The following SLC26A5 variants were observed in gnomAD, a reference collection of about 807,000 sequenced individuals.
SLC26A5 encodes the protein prestin.
In SLC26A5, 51 loss-of-function variants were observed where a neutral mutation model predicts 81.0. That is an observed-to-expected ratio of 0.63 (90% CI 0.50 to 0.80). The LOEUF (loss-of-function observed/expected upper bound fraction) is 0.80, where lower values mean the gene tolerates loss of function less well. SLC26A5 is among the 30% of genes least tolerant of loss of function. The pLI is 0.00. For missense variants in SLC26A5, 771 were observed against 905.8 expected (o/e 0.85, Z 1.91); for synonymous variants, 325 against 332.8 (o/e 0.98, Z 0.25).
intron 14 of SLC26A5, among the ~76,000 whole-genome samples, chr7:103,382,556 G>A (rs1821887318): frequency 6.6e-6 from 1 of 151,764 alleles, no homozygotes. Flanking sequence ...CACCATGTTG[G>A]CCAGGCTGGT....
At chr7:103,364,974 T>C (rs2116254064) in intron 19 of SLC26A5, among the ~76,000 whole-genome samples, 1 of 145,156 alleles carries the variant, frequency 6.9e-6, no homozygotes, top group African/African-American at 2.5e-5. Context: ...TATATATATA[T>C]ATATATATAT....
At chr7:103,361,510 CA>C (rs759044767) in intron 19 of SLC26A5, among the ~76,000 whole-genome samples, 8,975 of 51,346 alleles carry the variant, frequency 0.17, 183 homozygotes, top group East Asian at 0.33. Context: ...AACTCCATCT[CA>C]AAAAAAAAAA....
At chr7:103,419,481 A>G (rs942552299) in intron 4 of SLC26A5, among the ~76,000 whole-genome samples, 4 of 149,644 alleles carry the variant, frequency 2.7e-5, no homozygotes, top group Non-Finnish European at 4.4e-5. Context: ...CCTGAAATGC[A>G]TTTTCTCTCA....
chr7:103,420,661 A>C lies in SLC26A5; in HGVS notation c.292+77T>G. On this transcript the variant is annotated intron_variant, in intron 4 of 19. Coordinates refer to ENST00000306312, the MANE Select transcript of SLC26A5 (RefSeq NM_198999.3). ...GATATGATAAAAATTATGAATTTGC[A>C]ATCATGATGAAATAAACAGAAGGTC... is the stretch of plus-strand genomic sequence containing the variant. 4 of 1,545,538 alleles carry C rather than the reference A, an allele frequency of 2.6e-6. No individual in the cohort carries two copies. The South Asian group carries it at 4.5e-5, about 18-fold the overall frequency.
chr7:103,376,776 T>C (rs1821381613), intron 19 of SLC26A5, 32 bp downstream of exon 19: 22 of 1,479,796 alleles, frequency 1.5e-5, no homozygotes, highest in Non-Finnish European at 2.0e-5. Context: ...ACTAAAATAT[T>C]AAGCTTCACC....
At chr7:103,379,758 C>T (rs1215466138) in intron 15 of SLC26A5, among the ~76,000 whole-genome samples, 1 of 152,074 alleles carries the variant, frequency 6.6e-6, no homozygotes, top group African/African-American at 2.4e-5. Flanking sequence ...GTTTGATTCA[C>T]AGAAGCAGGA....
chr7:103,373,735 GA>G (rs1821151086), downstream of SLC26A5, among the ~76,000 whole-genome samples: 1 of 152,114 alleles, frequency 6.6e-6, no homozygotes, highest in African/African-American at 2.4e-5. Context: ...GTTGATTAAA[GA>G]AAAATCGGTT....
intron 8 of SLC26A5, among the ~76,000 whole-genome samples, chr7:103,401,917 T>C (rs1252568522): frequency 6.6e-6 from 1 of 152,238 alleles, no homozygotes; most frequent in African/African-American, 2.4e-5. Flanking sequence ...GACTTGATCA[T>C]GGTGGACAAG....
chr7:103,373,608 T>C (rs1821146533), downstream of SLC26A5, among the ~76,000 whole-genome samples: 1 of 152,162 alleles, frequency 6.6e-6, no homozygotes, highest in South Asian at 2.1e-4. Context: ...CCAGTTGCAA[T>C]GTAAGGTCAT....
At chr7:103,376,940 G>C in intron 18 of SLC26A5, 78 bp from the exon 19 acceptor site, 1 of 977,754 alleles carries the variant, frequency 1.0e-6, no homozygotes, top group Non-Finnish European at 1.6e-6. Flanking sequence ...AATGTTTTTC[G>C]TGATAGAAGA....
chr7:103,377,048 T>C (rs1378952204), intron 18 of SLC26A5, among the ~76,000 whole-genome samples, 186 bp from the exon 19 acceptor site: 1 of 152,224 alleles, frequency 6.6e-6, no homozygotes, highest in Non-Finnish European at 1.5e-5. Context: ...GCTTTTTATG[T>C]GGACAGTGAT....
intron 8 of SLC26A5, among the ~76,000 whole-genome samples, chr7:103,399,944 C>T (rs570851536): frequency 6.6e-6 from 1 of 152,222 alleles, no homozygotes; most frequent in South Asian, 2.1e-4. Flanking sequence ...TGTATATGTG[C>T]CACATTTTCT....
downstream of SLC26A5, among the ~76,000 whole-genome samples, chr7:103,372,405 C>T (rs1248475682): frequency 6.6e-5 from 10 of 152,122 alleles, no homozygotes; most frequent in African/African-American, 2.2e-4. Flanking sequence ...GTCAATAAGA[C>T]AGCATATTAA....
intron 2 of SLC26A5, among the ~76,000 whole-genome samples, chr7:103,440,912 G>T (rs1189083017): frequency 6.6e-6 from 1 of 152,194 alleles, no homozygotes; most frequent in African/African-American, 2.4e-5. Context: ...ATTGGCCAAT[G>T]CTGGATTAGA....
chr7:103,371,201 A>G (rs1360892866), downstream of SLC26A5, among the ~76,000 whole-genome samples: 3 of 152,250 alleles, frequency 2.0e-5, no homozygotes, highest in South Asian at 6.2e-4. Context: ...TAAAACAAAA[A>G]TATATTTTCC....
chr7:103,434,075 C>T (rs188795417), intron 2 of SLC26A5, among the ~76,000 whole-genome samples: 41 of 152,244 alleles, frequency 2.7e-4, no homozygotes, highest in African/African-American at 9.4e-4. Context: ...GGATTAGCTC[C>T]ACTCTTTCTA....
chr7:103,378,497 G>T lies in SLC26A5; in HGVS notation c.1734C>A (p.Tyr578Ter). 1.9e-6 allele frequency: 3 copies of T among 1,614,100 alleles called. No homozygotes were observed. Among genetic ancestry groups the T allele is most frequent in the Non-Finnish European group, 2.5e-6 (3 of 1,179,996 alleles). Residue 578 changes from tyrosine (Y) to a stop codon, truncating the protein, a stop_gained, in exon 17 of 20, where the codon TAC becomes TAA. Transcript: ENST00000306312. LOFTEE classifies it high-confidence loss of function. ...TATTTGCATTTCCGACTTCCTTAGC[G>T]TACTTCCGCATGGCCTTTCTCCTTG... is the stretch of plus-strand genomic sequence containing the variant. ...MGARRKAMRK[Y>*]AKEVGNANMA... is the part of the protein sequence containing the mutation.
chr7:103,384,238 C>G (rs920939561), intron 14 of SLC26A5, among the ~76,000 whole-genome samples: 2 of 152,082 alleles, frequency 1.3e-5, no homozygotes, highest in African/African-American at 2.4e-5. Context: ...CTGCCTTGGC[C>G]TCCTAAATTG....
At chr7:103,429,622 A>G (rs1825925891) in intron 2 of SLC26A5, among the ~76,000 whole-genome samples, 1 of 152,222 alleles carries the variant, frequency 6.6e-6, no homozygotes, top group Non-Finnish European at 1.5e-5. Flanking sequence ...AGAATATATT[A>G]TCTATCTGTT....
Sources: gnomAD v4.1 joint callset for allele counts (sites outside exome capture counted in the v4.1 genomes callset) on GRCh38, gnomAD v4.1.1 for gene constraint, MANE v1.5 for transcripts, NCBI Gene and HGNC (gene_info 2026-07-23, HGNC 2026-07-21) for gene names.